Variants in PDE1C observed in about 807,000 individuals in gnomAD.
PDE1C encodes dual specificity calcium/calmodulin-dependent 3',5'-cyclic nucleotide phosphodiesterase 1C.
Under a neutral mutation model 93.1 loss-of-function variants are expected in PDE1C, and 62 were observed. The observed-to-expected ratio is 0.67, with a 90% CI of 0.54 to 0.82. PDE1C has a LOEUF of 0.82. Ranked by LOEUF, PDE1C falls within the 40% of genes least tolerant of loss-of-function variation. The probability of loss-of-function intolerance (pLI) is 0.00; values close to 1 mark genes in which losing one functional copy is unlikely to be tolerated. For missense variants in PDE1C, 742 were observed against 884.6 expected, an observed-to-expected ratio of 0.84 and a Z score of 2.04; for synonymous variants, 325 against 310.1, an observed-to-expected ratio of 1.05 and a Z score of -0.50.
intron 2 of PDE1C, among the ~76,000 whole-genome samples, chr7:31,990,649 A>T (rs928648505): frequency 6.6e-6 from 1 of 152,222 alleles, no homozygotes; most frequent in African/African-American, 2.4e-5. Context: ...TGTCAGTCAC[A>T]GTTGCAACAG....
At chr7:32,130,975 G>T (rs1165626694) in intron 3 of PDE1C, among the ~76,000 whole-genome samples, 1 of 152,126 alleles carries the variant, frequency 6.6e-6, no homozygotes, top group Non-Finnish European at 1.5e-5. Flanking sequence ...TCTACACCCT[G>T]TTTCATGTTC....
intron 1 of PDE1C, among the ~76,000 whole-genome samples, chr7:32,285,805 G>C (rs114267778): frequency 0.014 from 1,985 of 141,258 alleles, 75 homozygotes; most frequent in African/African-American, 0.05. Context: ...GAAGAGAGGA[G>C]AGGAGAGGAG....
intron 11 of PDE1C, among the ~76,000 whole-genome samples, chr7:31,833,900 G>A (rs748525632): frequency 2.6e-5 from 4 of 152,146 alleles, no homozygotes; most frequent in Non-Finnish European, 4.4e-5. Context: ...CAAGACAATG[G>A]GGAAAATGTC....
the PDE1C span, among the ~76,000 whole-genome samples, chr7:31,660,423 T>C: frequency 3.9e-5 from 6 of 152,182 alleles, no homozygotes; most frequent in Non-Finnish European, 5.9e-5. Context: ...AGATACATAA[T>C]AGAAATTTCT....
chr7:31,828,237 A>G (rs1789936326), intron 12 of PDE1C, 55 bp downstream of exon 12: 1 of 1,416,286 alleles, frequency 7.1e-7, no homozygotes, highest in African/African-American at 1.4e-5. Context: ...ATCTGTGCTT[A>G]CTTCTACAGG....
At chr7:32,075,374 C>CAG, upstream of PDE1C, among the ~76,000 whole-genome samples, 1 of 152,204 alleles carries the variant, frequency 6.6e-6, no homozygotes, top group South Asian at 2.1e-4. Flanking sequence ...AGAAGTAGCA[C>CAG]CACCAGGCAC....
intron 3 of PDE1C, among the ~76,000 whole-genome samples, chr7:32,137,328 A>G (rs1800270391): frequency 6.6e-6 from 1 of 152,138 alleles, no homozygotes; most frequent in African/African-American, 2.4e-5. Context: ...CCCCAGAGTC[A>G]CCTGATTCCT....
chr7:32,184,467 G>A lies in PDE1C; in HGVS notation c.137-14511C>T, dbSNP rs1803699397. Among the ~76,000 whole-genome samples, 6 of 152,294 alleles carry A rather than the reference G, an allele frequency of 3.9e-5. No individual in the cohort carries two copies. The South Asian group carries it at 1.2e-3, about 32-fold the overall frequency. Reference sequence around the variant, plus strand: ...CATATACACCATGGAATACTATGCAGCCATAAAAAAGGATGAGTTCATGTC... The same window carrying A: ...CATATACACCATGGAATACTATGCAACCATAAAAAAGGATGAGTTCATGTC... On this transcript the variant is annotated intron_variant, in intron 2 of 18. Transcript: ENST00000396193.
chr7:31,669,769 G>A, the PDE1C span, among the ~76,000 whole-genome samples: 1 of 152,194 alleles, frequency 6.6e-6, no homozygotes, highest in African/African-American at 2.4e-5. Context: ...TTTGAGGTCT[G>A]CTTTTCAACA....
the PDE1C span, among the ~76,000 whole-genome samples, chr7:31,631,678 A>G: frequency 6.6e-6 from 1 of 152,214 alleles, no homozygotes; most frequent in Non-Finnish European, 1.5e-5. Context: ...AAGGAAGGAA[A>G]GAAGGGAGGA....
chr7:31,804,057 T>G (rs891874437), intron 16 of PDE1C, among the ~76,000 whole-genome samples: 3 of 151,858 alleles, frequency 2.0e-5, no homozygotes, highest in Non-Finnish European at 4.4e-5. Flanking sequence ...CTGCATTGCA[T>G]GCCTGGTAAT....
chr7:31,668,132 T>C, the PDE1C span, among the ~76,000 whole-genome samples: 2 of 152,280 alleles, frequency 1.3e-5, no homozygotes, highest in South Asian at 4.1e-4. Flanking sequence ...TAGAGGAAAT[T>C]AGGCTTTTGT....
chr7:32,138,298 TAATAA>T (rs1234317791), intron 3 of PDE1C, among the ~76,000 whole-genome samples: 1 of 152,170 alleles, frequency 6.6e-6, no homozygotes, highest in Non-Finnish European at 1.5e-5. Context: ...AAAGTTGGGA[TAATAA>T]AATAACTTAG....
intron 1 of PDE1C, among the ~76,000 whole-genome samples, chr7:32,057,289 T>G (rs1186988294): frequency 6.6e-6 from 1 of 152,218 alleles, no homozygotes; most frequent in East Asian, 1.9e-4. Context: ...CATACTCATT[T>G]AGCTCTTAAG....
chr7:31,887,609 G>T (rs1798111381), intron 2 of PDE1C, among the ~76,000 whole-genome samples: 1 of 152,096 alleles, frequency 6.6e-6, no homozygotes, highest in African/African-American at 2.4e-5. Flanking sequence ...GACCTAGTTG[G>T]CATGGACCGG....
At chr7:31,875,162 C>T (rs1243725316) in intron 5 of PDE1C, among the ~76,000 whole-genome samples, 1 of 152,128 alleles carries the variant, frequency 6.6e-6, no homozygotes, top group Non-Finnish European at 1.5e-5. Context: ...ATCTTTAGTC[C>T]TAAGGAAAAA....
intron 2 of PDE1C, among the ~76,000 whole-genome samples, chr7:31,884,396 C>G (rs970072616): frequency 6.6e-6 from 1 of 151,772 alleles, no homozygotes; most frequent in Non-Finnish European, 1.5e-5. Context: ...GGTAAAAGCC[C>G]AAATCAACAC....
chr7:32,390,541 GAAAA>G (rs753651084), intron 1 of PDE1C, among the ~76,000 whole-genome samples: 2 of 93,052 alleles, frequency 2.1e-5, no homozygotes, highest in Admixed American at 1.3e-4. Context: ...AGTGATCATT[GAAAA>G]AAAAAAAAAA....
intron 1 of PDE1C, among the ~76,000 whole-genome samples, chr7:32,362,922 T>C (rs1327331226): frequency 1.3e-5 from 2 of 152,198 alleles, no homozygotes; most frequent in African/African-American, 4.8e-5. Context: ...ACCTTTATGG[T>C]GGATCATCCT....
Sources: gnomAD v4.1 joint callset for allele counts (sites outside exome capture counted in the v4.1 genomes callset) on GRCh38, gnomAD v4.1.1 for gene constraint, MANE v1.5 for transcripts, NCBI Gene and HGNC (gene_info 2026-07-23, HGNC 2026-07-21) for gene names.